Variants in SH3PXD2B observed in about 807,000 individuals in gnomAD.
The protein encoded by SH3PXD2B is SH3 and PX domains 2B.
A neutral mutation model predicts 73.1 loss-of-function variants in SH3PXD2B; 37 were observed. The ratio of observed to expected loss-of-function variants is 0.51; its 90% CI spans 0.39 to 0.67. SH3PXD2B has a LOEUF of 0.67. Among genes scored for constraint, SH3PXD2B ranks in the 30% least tolerant of loss-of-function variants. The pLI is 0.00. For missense variants in SH3PXD2B, 1,053 were observed against 1,197.8 expected (o/e 0.88, Z 1.78); for synonymous variants, 457 against 480.5 (o/e 0.95, Z 0.64).
chr5:172,362,691 T>C lies in SH3PXD2B; in HGVS notation c.562+44A>G, dbSNP rs761373956. 8.1e-6 allele frequency: 13 copies of C among 1,613,724 alleles called. No individual in the cohort carries two copies. The South Asian group carries it at 1.3e-4, about 16-fold the overall frequency. On this transcript the variant is annotated intron_variant, in intron 7 of 12. Transcript: ENST00000311601. ...TCCAAATGTTTCATGTCCCAGGGGCTTGGTGGCAGGGTAGTGGGAGAGGGA... is the reference window on the plus strand; with the variant it reads ...TCCAAATGTTTCATGTCCCAGGGGCCTGGTGGCAGGGTAGTGGGAGAGGGA...
At chr5:172,354,125 C>T (rs772322646) in intron 8 of SH3PXD2B, 120 bp from the exon 9 acceptor site, 3 of 945,160 alleles carry the variant, frequency 3.2e-6, no homozygotes, top group South Asian at 2.7e-5. Flanking sequence ...TCTGGGCACC[C>T]CCCCTGGCCC....
At chr5:172,452,211 C>G (rs58609594) in intron 1 of SH3PXD2B, among the ~76,000 whole-genome samples, 4,538 of 152,212 alleles carry the variant, frequency 0.03, 233 homozygotes, top group African/African-American at 0.1. Flanking sequence ...ACAGCTACAA[C>G]CTGGGAGGCC....
intron 1 of SH3PXD2B, among the ~76,000 whole-genome samples, chr5:172,438,170 T>C (rs560146918): frequency 5.1e-4 from 77 of 152,082 alleles, no homozygotes; most frequent in Non-Finnish European, 9.3e-4. Flanking sequence ...ACATTTCCTC[T>C]CCCTGCCCTG....
chr5:172,357,118 C>CAAAAAA (rs59461760), intron 8 of SH3PXD2B, among the ~76,000 whole-genome samples: 10 of 59,012 alleles, frequency 1.7e-4, no homozygotes, highest in South Asian at 7.7e-4. Flanking sequence ...GACCCCATCT[C>CAAAAAA]AAAAAAAAAA....
intron 1 of SH3PXD2B, among the ~76,000 whole-genome samples, chr5:172,426,914 T>G (rs1426784167): frequency 6.6e-6 from 1 of 152,182 alleles, no homozygotes; most frequent in Admixed American, 6.5e-5. Flanking sequence ...AAACAGTCCT[T>G]TTCTTGTTCA....
chr5:172,339,754 C>T lies in SH3PXD2B; in HGVS notation c.1351G>A (p.Glu451Lys), dbSNP rs1303533293. 2 of 1,613,198 alleles carry T rather than the reference C, an allele frequency of 1.2e-6. No individual in the cohort carries two copies. Among genetic ancestry groups the T allele is most frequent in the African/African-American group, 1.3e-5 (1 of 74,934 alleles). ...PHEVTQLRLGEAAALENNTGS... is the reference protein window; with the variant it reads ...PHEVTQLRLGKAAALENNTGS... ...GTGTTGTTCTCCAGCGCTGCTGCTT[C>T]CCCCAGCCGGAGCTGGGTCACCTCG... Residue 451 changes from glutamate to lysine, a missense_variant, in exon 13 of 13, where the codon GAA becomes AAA. Transcript: ENST00000311601. This position sits in a 1 kb window ranked among gnomAD's most constrained non-coding sequence, Gnocchi z 6.1.
chr5:172,397,849 C>T (rs188362920), intron 3 of SH3PXD2B, among the ~76,000 whole-genome samples: 145 of 152,262 alleles, frequency 9.5e-4, no homozygotes, highest in African/African-American at 2.9e-3. Flanking sequence ...TTCCTGGGCT[C>T]GGTCTCGGTC....
At chr5:172,416,331 C>CT (rs200998117) in intron 2 of SH3PXD2B, among the ~76,000 whole-genome samples, 68,901 of 143,222 alleles carry the variant, frequency 0.48, 17,464 homozygotes, top group East Asian at 0.69. Context: ...CCTGTCTCTA[C>CT]TTTTTTTTTT....
At chr5:172,384,606 T>G (rs1758019123) in intron 4 of SH3PXD2B, among the ~76,000 whole-genome samples, 1 of 152,138 alleles carries the variant, frequency 6.6e-6, no homozygotes, top group Admixed American at 6.5e-5. Flanking sequence ...AATCATACAG[T>G]GTTTGTCTTT....
intron 1 of SH3PXD2B, among the ~76,000 whole-genome samples, chr5:172,437,042 G>C (rs1014480509): frequency 3.3e-5 from 5 of 152,176 alleles, no homozygotes; most frequent in Non-Finnish European, 7.3e-5. Context: ...AAGAGCTTGG[G>C]AGTTAGTGAC....
chr5:172,431,112 C>G (rs1759228069), intron 1 of SH3PXD2B, among the ~76,000 whole-genome samples: 1 of 152,150 alleles, frequency 6.6e-6, no homozygotes, highest in Non-Finnish European at 1.5e-5. Context: ...GGTGACCCAC[C>G]CACCTCGGCC....
At chr5:172,379,069 CAAA>C (rs61301407) in intron 5 of SH3PXD2B, among the ~76,000 whole-genome samples, 2,728 of 75,926 alleles carry the variant, frequency 0.036, 85 homozygotes, top group African/African-American at 0.13. Flanking sequence ...GACTCTGTCT[CAAA>C]AAAAAAAAAA....
chr5:172,432,162 G>C (rs527686382), intron 1 of SH3PXD2B, among the ~76,000 whole-genome samples: 8 of 152,262 alleles, frequency 5.3e-5, no homozygotes, highest in Non-Finnish European at 1.2e-4. Flanking sequence ...AACAGAGTGA[G>C]ACTCTGTCTC....
chr5:172,345,147 C>T (rs1756968064), intron 12 of SH3PXD2B, among the ~76,000 whole-genome samples: 1 of 145,880 alleles, frequency 6.9e-6, no homozygotes, highest in Non-Finnish European at 1.5e-5. Context: ...TGAAGGCGTG[C>T]AGGCAGGCAG....
chr5:172,441,466 A>G (rs1247216620), intron 1 of SH3PXD2B, among the ~76,000 whole-genome samples: 1 of 152,206 alleles, frequency 6.6e-6, no homozygotes, highest in East Asian at 1.9e-4. Flanking sequence ...CGAGGGTACA[A>G]GCAGTTAATG....
chr5:172,338,833 G>A lies in SH3PXD2B; in HGVS notation c.2272C>T (p.Pro758Ser), dbSNP rs867924828. The change falls in exon 13 of 13, where the codon CCA (proline) becomes TCA (serine). Residue 758 changes from proline to serine, a missense_variant. Pro to Ser is a moderately conservative substitution (Grantham distance 74). Transcript: ENST00000311601. The surrounding 1 kb of genome is among the most constrained non-coding windows in gnomAD (Gnocchi z 5.1). Reference protein sequence around the residue: ...QEAPQQRPVVPPRRPPPPKKT... With the variant: ...QEAPQQRPVVSPRRPPPPKKT... ...TTTGGGGGAGGTGGTCTGCGGGGTG[G>A]GACCACAGGTCTCTGCTGGGGAGCC... 2 of 1,613,962 alleles carry A rather than the reference G, an allele frequency of 1.2e-6. No individual in the cohort carries two copies. The highest frequency in any genetic ancestry group is 1.7e-5 in the Admixed American group (1 of 60,018).
chr5:172,369,599 C>T (rs1402114446), intron 6 of SH3PXD2B, among the ~76,000 whole-genome samples: 2 of 152,124 alleles, frequency 1.3e-5, no homozygotes, highest in African/African-American at 2.4e-5. Flanking sequence ...GAAATCCCGT[C>T]TGTACTAAAC....
At chr5:172,439,238 G>GAAAAAAAAAAAAAAA (rs922645535) in intron 1 of SH3PXD2B, among the ~76,000 whole-genome samples, 12 of 33,176 alleles carry the variant, frequency 3.6e-4, no homozygotes, top group South Asian at 8.5e-4. Context: ...AGAAAAAACA[G>GAAAAAAAAAAAAAAA]AAAAAAAAAA....
intron 2 of SH3PXD2B, 91 bp downstream of exon 2, chr5:172,422,323 TAA>T: frequency 8.1e-7 from 1 of 1,232,644 alleles, no homozygotes; most frequent in Non-Finnish European, 1.2e-6. Context: ...TCTGGGAAAT[TAA>T]AAAAATTCTG....
Sources: gnomAD v4.1 joint callset for allele counts (sites outside exome capture counted in the v4.1 genomes callset) on GRCh38, gnomAD v4.1.1 for gene constraint, Gnocchi (gnomAD v3.1) non-coding constraint, MANE v1.5 for transcripts, NCBI Gene and HGNC (gene_info 2026-07-23, HGNC 2026-07-21) for gene names.